IL4I1: variants seen among roughly 807,000 people sequenced by gnomAD.
IL4I1 encodes interleukin 4 induced 1, also known as L-amino-acid oxidase.
IL4I1 carries 24 observed loss-of-function variants against 29.7 expected under a neutral mutation model. That is an observed-to-expected ratio of 0.81 (90% CI 0.59 to 1.14). The LOEUF (loss-of-function observed/expected upper bound fraction) is 1.14, where lower values mean the gene tolerates loss of function less well. Ranked by LOEUF, IL4I1 falls within the 50% of genes most tolerant of loss-of-function variation. IL4I1 has a pLI of 0.00. For synonymous variants in IL4I1, 371 were observed against 352.5 expected, an observed-to-expected ratio of 1.05 and a Z score of -0.59; for missense variants, 686 against 785.6, an observed-to-expected ratio of 0.87 and a Z score of 1.52.
intron 4 of IL4I1, 59 bp from the exon 5 acceptor site, chr19:49,894,528 G>C: frequency 7.0e-7 from 1 of 1,420,516 alleles, no homozygotes; most frequent in Non-Finnish European, 9.9e-7. Flanking sequence ...CTGGTCCCTA[G>C]TGGGACTTGG....
At chr19:49,914,726 G>GTTT (rs530372497) in intron 2 of IL4I1, among the ~76,000 whole-genome samples, 7,445 of 56,166 alleles carry the variant, frequency 0.13, 2,314 homozygotes, top group Middle Eastern at 0.24. Context: ...CCAAGTCCCA[G>GTTT]TTTTTTTTTT....
chr19:49,891,536 T>A (rs1490934608), intron 5 of IL4I1, 63 bp from the exon 6 acceptor site: 2 of 1,411,690 alleles, frequency 1.4e-6, no homozygotes, highest in Non-Finnish European at 2.0e-6. Context: ...AGGCCGGGCC[T>A]GGAGCCCACA....
At chr19:49,901,030 C>T (rs183792907), upstream of IL4I1, among the ~76,000 whole-genome samples, 2 of 152,290 alleles carry the variant, frequency 1.3e-5, no homozygotes, top group South Asian at 4.1e-4. Flanking sequence ...CCCTGCCTTA[C>T]GTATATACGC....
At chr19:49,890,881 G>T in intron 7 of IL4I1, 90 bp downstream of exon 7, 2 of 1,112,736 alleles carry the variant, frequency 1.8e-6, no homozygotes, top group Non-Finnish European at 2.5e-6. Flanking sequence ...CAACAGCCCC[G>T]CCCCCAGACC....
intron 2 of IL4I1, among the ~76,000 whole-genome samples, chr19:49,910,686 C>T (rs774883537): frequency 7.2e-5 from 10 of 137,990 alleles, no homozygotes; most frequent in South Asian, 2.3e-4. Context: ...TGGGACATCA[C>T]GGGAGACCAT....
At position 49,894,343 on chromosome 19, in the gene IL4I1, C is replaced by T. The variant is rs1343330293; in HGVS notation, c.492G>A (p.Glu164=). The T allele has an allele frequency of 1.9e-6, 3 of 1,614,218 alleles. No individual in the cohort carries two copies. Among genetic ancestry groups the T allele is most frequent in the Non-Finnish European group, 2.5e-6 (3 of 1,180,052 alleles). ...LRNYVVEKVP[E]KLGYALRPQE... is the part of the protein sequence containing the mutation. ...GGGGACGCAAGGCGTAGCCCAGCTT[C>T]TCGGGCACCTTCTCCACCACATAGT... The change falls in exon 5 of 8, where the codon GAG becomes GAA. Residue 164 remains glutamate, a synonymous_variant. Transcript: ENST00000391826.
chr19:49,900,480 G>T (rs2122549824), upstream of IL4I1, among the ~76,000 whole-genome samples: 1 of 152,188 alleles, frequency 6.6e-6, no homozygotes, highest in Admixed American at 6.5e-5. Flanking sequence ...TAGAGACGGG[G>T]TTTCTCCATG....
chr19:49,909,458 C>T (rs746940276), intron 2 of IL4I1: 1 of 1,614,108 alleles, frequency 6.2e-7, no homozygotes, highest in Admixed American at 1.7e-5. Context: ...GTTGCTGCTG[C>T]CCAGCCCAAA....
upstream of IL4I1, among the ~76,000 whole-genome samples, chr19:49,900,126 T>G (rs1372997644): frequency 1.3e-5 from 2 of 151,378 alleles, no homozygotes; most frequent in East Asian, 3.9e-4. Flanking sequence ...CATGAGCCAC[T>G]ATGCCCGGCC....
chr19:49,902,601 G>A (rs1440003421), intron 3 of IL4I1, among the ~76,000 whole-genome samples: 1 of 152,120 alleles, frequency 6.6e-6, no homozygotes, highest in Non-Finnish European at 1.5e-5. Flanking sequence ...GCCGAGGTGA[G>A]CGGATCACCT....
intron 2 of IL4I1, among the ~76,000 whole-genome samples, chr19:49,914,459 G>A (rs1360625250): frequency 6.6e-6 from 1 of 152,170 alleles, no homozygotes; most frequent in Non-Finnish European, 1.5e-5. Flanking sequence ...GGTCACCAAG[G>A]AAAGTGCTGG....
intron 2 of IL4I1, chr19:49,907,985 A>T: frequency 1.5e-6 from 1 of 669,190 alleles, no homozygotes; most frequent in Non-Finnish European, 2.4e-6. Context: ...TGGTCGCAGT[A>T]GGTGAAAAGG....
chr19:49,899,745 T>C (rs926632516), upstream of IL4I1, among the ~76,000 whole-genome samples: 2 of 151,894 alleles, frequency 1.3e-5, no homozygotes, highest in Admixed American at 1.3e-4. Context: ...TTAGTAGAGA[T>C]GAGATTTCAC....
chr19:49,900,897 G>A (rs2075265490), upstream of IL4I1, among the ~76,000 whole-genome samples: 1 of 152,198 alleles, frequency 6.6e-6, no homozygotes, highest in African/African-American at 2.4e-5. Context: ...TGATGGTTTC[G>A]ATGAGGTTTA....
rs1156713025 is a variant in IL4I1 at position 49,921,765 on chromosome 19, C to G, written c.-228+5929G>C. On this transcript the variant is annotated intron_variant, in intron 2 of 9. Transcript: ENST00000341114. This position sits in a 1 kb window ranked among gnomAD's most constrained non-coding sequence, Gnocchi z 5.4. ...CCGCCTCTGCCTCTCCCCGCAGCTC[C>G]GACCATGACCATCCATCCTATGAGT... is the stretch of plus-strand genomic sequence containing the variant. Among the ~76,000 whole-genome samples, 1 of 152,180 alleles carries G rather than the reference C, an allele frequency of 6.6e-6. No homozygotes were observed. Among genetic ancestry groups the G allele is most frequent in the Non-Finnish European group, 1.5e-5 (1 of 68,016 alleles).
At chr19:49,918,170 G>T (rs1455483128) in intron 2 of IL4I1, among the ~76,000 whole-genome samples, 1 of 151,612 alleles carries the variant, frequency 6.6e-6, no homozygotes, top group African/African-American at 2.4e-5. Flanking sequence ...GGGCTCAAAT[G>T]ATTCTCCTGC....
At chr19:49,905,326 C>G (rs2075308197) in intron 2 of IL4I1, among the ~76,000 whole-genome samples, 1 of 152,172 alleles carries the variant, frequency 6.6e-6, no homozygotes, top group Non-Finnish European at 1.5e-5. Flanking sequence ...AGGATCAGCT[C>G]TAAAAATGGA....
chr19:49,912,166 C>CTTTTT (rs60350799), intron 2 of IL4I1, among the ~76,000 whole-genome samples: 4 of 115,488 alleles, frequency 3.5e-5, no homozygotes, highest in Non-Finnish European at 5.2e-5. Flanking sequence ...AACAGTTCAC[C>CTTTTT]TTTTTTTTTT....
chr19:49,914,912 G>A (rs2075586062), intron 2 of IL4I1, among the ~76,000 whole-genome samples: 1 of 151,416 alleles, frequency 6.6e-6, no homozygotes, highest in East Asian at 1.9e-4. Context: ...GCTAATTTTT[G>A]TATTTTTAGT....
Sources: gnomAD v4.1 joint callset for allele counts (sites outside exome capture counted in the v4.1 genomes callset) on GRCh38, gnomAD v4.1.1 for gene constraint, Gnocchi (gnomAD v3.1) non-coding constraint, MANE v1.5 for transcripts, NCBI Gene and HGNC (gene_info 2026-07-23, HGNC 2026-07-21) for gene names.